Variants in FILIP1L observed in about 807,000 individuals in gnomAD.
FILIP1L encodes filamin A interacting protein 1 like.
A neutral mutation model predicts 96.6 loss-of-function variants in FILIP1L; 55 were observed. The ratio of observed to expected loss-of-function variants is 0.57; its 90% CI spans 0.46 to 0.71. The LOEUF (loss-of-function observed/expected upper bound fraction) is 0.71. Ranked by LOEUF, FILIP1L falls within the 30% of genes least tolerant of loss-of-function variation. The pLI, the probability that FILIP1L is intolerant of heterozygous loss-of-function variation, is 0.00. For synonymous variants in FILIP1L, 467 were observed against 473.9 expected, an observed-to-expected ratio of 0.99 and a Z score of 0.19; for missense variants, 1,304 against 1,321.2, an observed-to-expected ratio of 0.99 and a Z score of 0.20.
In FILIP1L at chr3:99,850,851, G is replaced by A; in HGVS notation, c.825C>T (p.Ala275=). The change falls in exon 5 of 6, where the codon GCC becomes GCT. Residue 275 remains alanine (A), a synonymous_variant. Coordinates refer to ENST00000477258, the MANE Select transcript of FILIP1L (RefSeq NM_001387850.1). ...CCTCCTGAACTCTGGCTTCAGCAAGGGCTAGTTTGGTATGTGTTTCCTTTG... is the reference window on the plus strand; with the variant it reads ...CCTCCTGAACTCTGGCTTCAGCAAGAGCTAGTTTGGTATGTGTTTCCTTTG... ...TNAKETHTKL[A]LAEARVQEEE... The A allele has an allele frequency of 6.2e-7, 1 of 1,614,082 alleles. No homozygotes were observed. The highest frequency in any genetic ancestry group is 8.5e-7 in the Non-Finnish European group (1 of 1,180,024).
At chr3:99,953,750 A>T (rs1708243854) in intron 1 of FILIP1L, among the ~76,000 whole-genome samples, 1 of 152,188 alleles carries the variant, frequency 6.6e-6, no homozygotes, top group African/African-American at 2.4e-5. Context: ...CTTTCCTAGA[A>T]ACTCAGTCTA....
Position 100,062,108 on chromosome 3 carries a change from T to C in FILIP1L, c.-11+51945A>G, listed in dbSNP as rs1279757269. On this transcript the variant is annotated intron_variant, in intron 1 of 5. Transcript: ENST00000477258. Reference sequence around the variant, plus strand: ...CTGTCTTCTTCTTTTTTTTTTTTTTTTTTTTTTTTTTTTTTTTTTTTGAGA... The same window carrying C: ...CTGTCTTCTTCTTTTTTTTTTTTTTCTTTTTTTTTTTTTTTTTTTTTGAGA... Among the ~76,000 whole-genome samples, 230 of 68,826 alleles carry C rather than the reference T, an allele frequency of 3.3e-3. 3 individuals carry two copies. The highest frequency in any genetic ancestry group is 0.01 in the African/African-American group (214 of 21,006). The allele number at this position is 68,826 out of a possible 152,430, so 45.2% of individuals were successfully genotyped here. A position where few individuals can be genotyped will look rare whatever the true frequency, so the allele number is the denominator to read the frequency against.
At chr3:99,915,874 T>C (rs1706935078) in intron 4 of FILIP1L, among the ~76,000 whole-genome samples, 1 of 152,230 alleles carries the variant, frequency 6.6e-6, no homozygotes, top group South Asian at 2.1e-4. Context: ...AAAACTCTTA[T>C]TAATTGTCAC....
At chr3:100,105,511 C>T (rs1357641095) in intron 1 of FILIP1L, among the ~76,000 whole-genome samples, 1 of 152,106 alleles carries the variant, frequency 6.6e-6, no homozygotes. Context: ...CAGGAAGGTT[C>T]AGTAATCATT....
chr3:100,082,530 A>G (rs1426802763), intron 1 of FILIP1L, among the ~76,000 whole-genome samples: 3 of 152,190 alleles, frequency 2.0e-5, no homozygotes, highest in South Asian at 2.1e-4. Flanking sequence ...AAGACAGCCC[A>G]TAATATCTGA....
At chr3:99,943,949 C>T (rs190430507) in intron 1 of FILIP1L, among the ~76,000 whole-genome samples, 5 of 152,284 alleles carry the variant, frequency 3.3e-5, no homozygotes, top group African/African-American at 1.2e-4. Context: ...AGAGATGACA[C>T]ATACAAGATG....
At chr3:100,061,085 C>T (rs1395215626) in intron 1 of FILIP1L, among the ~76,000 whole-genome samples, 2 of 151,514 alleles carry the variant, frequency 1.3e-5, no homozygotes, top group Admixed American at 1.3e-4. Context: ...AATAGATGTG[C>T]ACATAGAAGT....
intron 4 of FILIP1L, among the ~76,000 whole-genome samples, chr3:99,879,328 C>A (rs1477242734): frequency 6.6e-6 from 1 of 152,128 alleles, no homozygotes; most frequent in Non-Finnish European, 1.5e-5. Context: ...CACCAGTTTC[C>A]CTGGTTCGAG....
At position 99,850,786 on chromosome 3, in the gene FILIP1L, G is replaced by A. The variant is rs1943651097; in HGVS notation, c.890C>T (p.Thr297Met). ...GTCTTGGTGAAACTTTGTGGTCTGC[G>A]TTTGCAGTTCCTTCTCTAGTCTGGT... ...KATRLEKELQ[T>M]QTTKFHQDQD... Residue 297 changes from threonine (T) to methionine (M), a missense_variant, in exon 5 of 6, where the codon ACG (threonine) becomes ATG (methionine). Coordinates refer to ENST00000477258, the MANE Select transcript of FILIP1L (RefSeq NM_001387850.1). 1.9e-6 allele frequency: 3 copies of A among 1,614,124 alleles called. No homozygotes were observed. Among genetic ancestry groups the A allele is most frequent in the Non-Finnish European group, 2.5e-6 (3 of 1,180,016 alleles).
chr3:99,913,816 G>A (rs1026505749), intron 4 of FILIP1L, among the ~76,000 whole-genome samples: 5 of 152,186 alleles, frequency 3.3e-5, no homozygotes, highest in African/African-American at 4.8e-5. Flanking sequence ...AAGAAAAAAC[G>A]TAGAAAACAC....
chr3:99,939,075 G>A (rs1249722729), intron 1 of FILIP1L, among the ~76,000 whole-genome samples: 2 of 152,172 alleles, frequency 1.3e-5, no homozygotes, highest in African/African-American at 4.8e-5. Context: ...ATTGGAAAGT[G>A]GGGATGTATG....
intron 1 of FILIP1L, among the ~76,000 whole-genome samples, chr3:100,020,168 C>G (rs1016298937): frequency 6.6e-6 from 1 of 152,076 alleles, no homozygotes; most frequent in Non-Finnish European, 1.5e-5. Context: ...CCCATGTAAC[C>G]TTTTAAAAGC....
intron 1 of FILIP1L, among the ~76,000 whole-genome samples, chr3:100,014,912 T>TTTTTTTTTTTTTTTTTTTTTTTTTTTTC (rs1710293383): frequency 6.9e-6 from 1 of 144,668 alleles, no homozygotes; most frequent in African/African-American, 2.5e-5. Flanking sequence ...TTTTTTTTTT[T>TTTTTTTTTTTTTTTTTTTTTTTTTTTTC]TTTTTTGCCC....
chr3:99,931,112 A>G, intron 1 of FILIP1L, 82 bp from the exon 2 acceptor site: 1 of 1,161,834 alleles, frequency 8.6e-7, no homozygotes, highest in South Asian at 1.5e-5. Flanking sequence ...TAACAAGTCT[A>G]CATTCTTGTT....
chr3:100,048,736 G>T (rs1430768966), intron 1 of FILIP1L, among the ~76,000 whole-genome samples: 1 of 152,144 alleles, frequency 6.6e-6, no homozygotes, highest in Non-Finnish European at 1.5e-5. Flanking sequence ...CTCAGCCCCT[G>T]TACATGGACA....
At chr3:99,891,240 C>A (rs1041416910) in intron 4 of FILIP1L, among the ~76,000 whole-genome samples, 4 of 152,130 alleles carry the variant, frequency 2.6e-5, no homozygotes, top group African/African-American at 9.6e-5. Context: ...ACCCTTTCGT[C>A]TGGGTAATGT....
chr3:100,051,044 T>A (rs2065362983), intron 1 of FILIP1L, among the ~76,000 whole-genome samples: 1 of 152,162 alleles, frequency 6.6e-6, no homozygotes, highest in Admixed American at 6.5e-5. Context: ...AATAGAGAAA[T>A]CACATAAAAG....
chr3:100,082,423 G>C (rs1432728586), intron 1 of FILIP1L, among the ~76,000 whole-genome samples: 3 of 152,196 alleles, frequency 2.0e-5, no homozygotes, highest in African/African-American at 7.2e-5. Context: ...AAAACTCACT[G>C]TTATCATAAC....
At position 99,849,623 on chromosome 3, in the gene FILIP1L, C is replaced by G; in HGVS notation, c.2053G>C (p.Ala685Pro). 6.2e-7 allele frequency: 1 copy of G among 1,613,424 alleles called. No homozygotes were observed. The highest frequency in any genetic ancestry group is 8.5e-7 in the Non-Finnish European group (1 of 1,179,988). ...GTCTTTTCTGCTAACTTGTACTTAGCAAGTTCCATTTTAACATGTTCTAGC... is the reference window on the plus strand; with the variant it reads ...GTCTTTTCTGCTAACTTGTACTTAGGAAGTTCCATTTTAACATGTTCTAGC... ...KELEHVKMEL[A>P]KYKLAEKTET... Residue 685 changes from alanine to proline, a missense_variant, in exon 5 of 6, where the codon GCT becomes CCT. Physicochemically the swap from Ala to Pro is conservative, Grantham distance 27. Coordinates refer to ENST00000477258, the MANE Select transcript of FILIP1L (RefSeq NM_001387850.1).
Sources: gnomAD v4.1 joint callset for allele counts (sites outside exome capture counted in the v4.1 genomes callset) on GRCh38, gnomAD v4.1.1 for gene constraint, MANE v1.5 for transcripts, NCBI Gene and HGNC (gene_info 2026-07-23, HGNC 2026-07-21) for gene names.